The following NKAIN3 variants were observed in gnomAD, a reference collection of about 807,000 sequenced individuals.
NKAIN3 encodes the protein sodium/potassium-transporting ATPase subunit beta-1-interacting protein 3.
Under a neutral mutation model 30.2 loss-of-function variants are expected in NKAIN3, and 25 were observed. That is an observed-to-expected ratio of 0.83 (90% confidence interval 0.60 to 1.16). The LOEUF is 1.16. Among genes scored for constraint, NKAIN3 ranks in the 50% most tolerant of loss-of-function variants. The pLI is 0.00. For synonymous variants in NKAIN3, 91 were observed against 89.6 expected (o/e 1.02, Z -0.09); for missense variants, 225 against 254.1 (o/e 0.89, Z 0.78).
At chr8:62,621,264 C>T (rs1386080767) in intron 3 of NKAIN3, among the ~76,000 whole-genome samples, 2 of 152,018 alleles carry the variant, frequency 1.3e-5, no homozygotes, top group Admixed American at 1.3e-4. Flanking sequence ...TGACACTCTA[C>T]TAGGAAAAGT....
intron 1 of NKAIN3, among the ~76,000 whole-genome samples, chr8:62,318,986 TATTA>T (rs1814769577): frequency 6.6e-6 from 1 of 152,180 alleles, no homozygotes; most frequent in African/African-American, 2.4e-5. Context: ...GTTGGTAAGC[TATTA>T]ATTATTGCTT....
At chr8:62,961,306 A>G (rs1011080956) in intron 6 of NKAIN3, among the ~76,000 whole-genome samples, 5 of 152,048 alleles carry the variant, frequency 3.3e-5, no homozygotes, top group Admixed American at 2.0e-4. Context: ...TGGGTCAACG[A>G]GACATTTTGT....
chr8:62,248,986 G>T lies in NKAIN3; in HGVS notation c.-88G>T. 1 of 1,262,676 alleles carries T rather than the reference G, an allele frequency of 7.9e-7. No homozygotes were observed. The highest frequency in any genetic ancestry group is 1.3e-5 in the South Asian group (1 of 75,344). 78.2% of individuals were successfully genotyped at this position (1,262,676 alleles called of 1,614,324 possible). ...GGGGCCGAGGAGCCTGGGCCGGGCC[G>T]GGCGGGGACTACTCCGGAGTCAGGA... On this transcript the variant is annotated 5_prime_UTR_variant, in exon 1 of 7. Transcript: ENST00000623646.
At chr8:62,874,952 G>A (rs4521749) in intron 4 of NKAIN3, among the ~76,000 whole-genome samples, 34,783 of 152,030 alleles carry the variant, frequency 0.23, 4,893 homozygotes, top group Non-Finnish European at 0.33. Flanking sequence ...ACATAGTATT[G>A]GAAGTTCTGG....
chr8:62,309,584 A>G (rs1814361133), intron 1 of NKAIN3, among the ~76,000 whole-genome samples: 1 of 150,404 alleles, frequency 6.6e-6, no homozygotes, highest in Non-Finnish European at 1.5e-5. Context: ...AATGCAAATT[A>G]TGGCTCTGTA....
At chr8:62,929,008 C>T (rs1187150200) in intron 5 of NKAIN3, among the ~76,000 whole-genome samples, 2 of 152,162 alleles carry the variant, frequency 1.3e-5, no homozygotes, top group Non-Finnish European at 2.9e-5. Context: ...TCCAGCATGC[C>T]TGGGAAGCTC....
chr8:62,284,092 C>T (rs905058049), intron 1 of NKAIN3, among the ~76,000 whole-genome samples: 19 of 152,158 alleles, frequency 1.2e-4, no homozygotes, highest in African/African-American at 3.9e-4. Flanking sequence ...GAGAATGTCA[C>T]GTGCATATAT....
At chr8:62,500,466 A>G (rs1416553819) in intron 1 of NKAIN3, among the ~76,000 whole-genome samples, 1 of 140,440 alleles carries the variant, frequency 7.1e-6, no homozygotes, top group Non-Finnish European at 1.6e-5. Flanking sequence ...AGAAAGAAAG[A>G]AAGAAAGAAA....
intron 4 of NKAIN3, among the ~76,000 whole-genome samples, chr8:62,886,162 T>A (rs1258342559): frequency 1.4e-5 from 2 of 148,086 alleles, no homozygotes; most frequent in African/African-American, 2.5e-5. Context: ...TTTCTTTAAC[T>A]TTTTTTTTTA....
intron 4 of NKAIN3, among the ~76,000 whole-genome samples, chr8:62,815,812 A>G (rs1461940515): frequency 6.6e-6 from 1 of 151,878 alleles, no homozygotes; most frequent in Non-Finnish European, 1.5e-5. Context: ...GATCTAGTCT[A>G]TTGTGGAAGT....
At chr8:62,826,140 T>TTAA (rs1416269557) in intron 4 of NKAIN3, among the ~76,000 whole-genome samples, 1 of 152,182 alleles carries the variant, frequency 6.6e-6, no homozygotes, top group Non-Finnish European at 1.5e-5. Flanking sequence ...ATACTGCACT[T>TTAA]TAATAACCTA....
At position 62,780,201 on chromosome 8, in the gene NKAIN3, T is replaced by A. The variant is rs76275775; in HGVS notation, c.471+33072T>A. Among the ~76,000 whole-genome samples the A allele has an allele frequency of 3.3e-5, 5 of 152,192 alleles. No individual in the cohort carries two copies. The East Asian group carries it at 7.7e-4, about 24-fold the overall frequency. On this transcript the variant is annotated intron_variant, in intron 4 of 6. Transcript: ENST00000623646. ...AACTGGAAAACCCTGAGGAAATGGA[T>A]ATATTCCTAAAAATATACAACCTAC...
chr8:62,371,966 C>G (rs546289201), intron 1 of NKAIN3, among the ~76,000 whole-genome samples: 70 of 151,994 alleles, frequency 4.6e-4, no homozygotes, highest in African/African-American at 1.6e-3. Context: ...TATCAAAATG[C>G]CATTCCATTC....
At chr8:62,446,544 A>T (rs1045250605) in intron 1 of NKAIN3, among the ~76,000 whole-genome samples, 1 of 152,090 alleles carries the variant, frequency 6.6e-6, no homozygotes, top group African/African-American at 2.4e-5. Context: ...TTATTGTTCC[A>T]TCATTGTCTC....
chr8:62,832,258 G>GACACAC (rs57632946), intron 4 of NKAIN3, among the ~76,000 whole-genome samples: 65 of 132,682 alleles, frequency 4.9e-4, no homozygotes, highest in African/African-American at 9.7e-4. Context: ...TGACCAAACA[G>GACACAC]ACACACACAC....
chr8:62,818,299 T>A (rs577326379), intron 4 of NKAIN3, among the ~76,000 whole-genome samples: 2 of 152,280 alleles, frequency 1.3e-5, no homozygotes, highest in African/African-American at 4.8e-5. Context: ...TTCTGTGAGA[T>A]CGTAATTATT....
intron 1 of NKAIN3, among the ~76,000 whole-genome samples, chr8:62,332,903 G>A (rs1253519349): frequency 6.6e-6 from 1 of 152,162 alleles, no homozygotes; most frequent in South Asian, 2.1e-4. Flanking sequence ...GGCATGGCCT[G>A]TAGTCCCAGC....
At chr8:62,345,609 G>GTA (rs1427059770) in intron 1 of NKAIN3, among the ~76,000 whole-genome samples, 5,760 of 136,064 alleles carry the variant, frequency 0.042, 311 homozygotes, top group South Asian at 0.083. Flanking sequence ...ACACATATAT[G>GTA]TATATACACA....
intron 3 of NKAIN3, among the ~76,000 whole-genome samples, chr8:62,647,091 A>G (rs1051272289): frequency 2.0e-5 from 3 of 152,172 alleles, no homozygotes; most frequent in Admixed American, 6.6e-5. Context: ...ACAAACGTTG[A>G]GATTCATAAC....
Sources: gnomAD v4.1 joint callset for allele counts (sites outside exome capture counted in the v4.1 genomes callset) on GRCh38, gnomAD v4.1.1 for gene constraint, MANE v1.5 for transcripts, NCBI Gene and HGNC (gene_info 2026-07-23, HGNC 2026-07-21) for gene names.